CBFA2T3: variants seen among roughly 807,000 people sequenced by gnomAD.
CBFA2T3 encodes transcriptional corepressor CBFA2T3.
In CBFA2T3, 31 loss-of-function variants were observed where a neutral mutation model predicts 58.6. The observed-to-expected ratio is 0.53, with a 90% CI of 0.40 to 0.71. The LOEUF is 0.71. Among genes scored for constraint, CBFA2T3 ranks in the 30% least tolerant of loss-of-function variants. The probability of loss-of-function intolerance (pLI) is 0.00; values close to 1 mark genes in which losing one functional copy is unlikely to be tolerated. For synonymous variants in CBFA2T3, 531 were observed against 421.9 expected (o/e 1.26, Z -3.17); for missense variants, 1,076 against 963.1 (o/e 1.12, Z -1.55).
chr16:88,960,277 G>A (rs964036665), intron 1 of CBFA2T3, among the ~76,000 whole-genome samples: 5 of 152,168 alleles, frequency 3.3e-5, no homozygotes, highest in African/African-American at 4.8e-5. Context: ...CAATGTGGAC[G>A]GCATCTGTGA....
In CBFA2T3 at chr16:88,876,167, A is replaced by C. The variant is rs1237602482; in HGVS notation, c.*809T>G. On this transcript the variant is annotated 3_prime_UTR_variant, in exon 12 of 12. Coordinates refer to ENST00000268679, the MANE Select transcript of CBFA2T3 (RefSeq NM_005187.6). ...GTTTGCTTTTTTGGATTTCCTTTGG[A>C]GCAGAGGTGTGTCCGGTATCCTTGG... 1 of 232,132 alleles carries C rather than the reference A, an allele frequency of 4.3e-6. No individual in the cohort carries two copies. The highest frequency in any genetic ancestry group is 8.5e-6 in the Non-Finnish European group (1 of 117,226). The allele number at this position is 232,132 out of a possible 1,614,324, so 14.4% of individuals were successfully genotyped here.
At chr16:88,902,294 T>A (rs1970130072) in intron 1 of CBFA2T3, 1 of 152,226 alleles carries the variant, frequency 6.6e-6, no homozygotes, top group Non-Finnish European at 1.5e-5. Context: ...CCCCGGTGAT[T>A]CACAGGACAG....
chr16:88,896,983 T>G (rs577824392), intron 3 of CBFA2T3, among the ~76,000 whole-genome samples: 1 of 152,336 alleles, frequency 6.6e-6, no homozygotes, highest in South Asian at 2.1e-4. Flanking sequence ...GGTGTGTTCC[T>G]AAGTTAGACC....
At chr16:88,959,164 G>C (rs1435614104) in intron 1 of CBFA2T3, among the ~76,000 whole-genome samples, 1 of 152,222 alleles carries the variant, frequency 6.6e-6, no homozygotes, top group Non-Finnish European at 1.5e-5. Context: ...TTACTGGCAG[G>C]CACGCCACAT....
chr16:88,890,889 T>C (rs1969603924), intron 5 of CBFA2T3, among the ~76,000 whole-genome samples: 1 of 152,144 alleles, frequency 6.6e-6, no homozygotes, highest in Non-Finnish European at 1.5e-5. Context: ...AATTTTTATA[T>C]TTTTTGTAGA....
chr16:88,940,681 C>T (rs1394658789), intron 1 of CBFA2T3, among the ~76,000 whole-genome samples: 5 of 152,232 alleles, frequency 3.3e-5, no homozygotes, highest in Non-Finnish European at 5.9e-5. Flanking sequence ...CCAGGGCCGC[C>T]CTCGGCCTCC....
chr16:88,928,605 C>T (rs776274436), intron 1 of CBFA2T3, among the ~76,000 whole-genome samples: 1 of 152,256 alleles, frequency 6.6e-6, no homozygotes, highest in African/African-American at 2.4e-5. Flanking sequence ...CTGTCACCCG[C>T]CAGGTGGGGT....
rs183456920 is a variant in CBFA2T3 at position 88,934,800 on chromosome 16, C to T, written c.152-33144G>A. ...TGTCGCCCAGGCTGGAGTGCAGTGGCGCGATCTCGGCTCACTGCAAGCTCT... is the reference window on the plus strand; with the variant it reads ...TGTCGCCCAGGCTGGAGTGCAGTGGTGCGATCTCGGCTCACTGCAAGCTCT... On this transcript the variant is annotated intron_variant, in intron 1 of 11. Coordinates refer to ENST00000268679, the MANE Select transcript of CBFA2T3 (RefSeq NM_005187.6). 5.9e-3 allele frequency among the ~76,000 whole-genome samples: 894 copies of T among 152,240 alleles called. 6 individuals are homozygous for T. The highest frequency in any genetic ancestry group is 0.024 in the Middle Eastern group (7 of 294).
At chr16:88,912,436 C>T (rs77545894) in intron 1 of CBFA2T3, among the ~76,000 whole-genome samples, 4,712 of 152,286 alleles carry the variant, frequency 0.031, 180 homozygotes, top group African/African-American at 0.084. Flanking sequence ...AGGGCCTTGG[C>T]TCCTACTGGA....
intron 7 of CBFA2T3, 50 bp downstream of exon 7, chr16:88,884,996 G>A: frequency 1.4e-6 from 2 of 1,409,448 alleles, no homozygotes; most frequent in South Asian, 1.3e-5. Context: ...GTGGGCGCAT[G>A]TGTGCTCCTG....
intron 2 of CBFA2T3, among the ~76,000 whole-genome samples, chr16:88,899,160 G>A (rs935913235): frequency 2.7e-5 from 4 of 149,404 alleles, no homozygotes; most frequent in African/African-American, 9.9e-5. Flanking sequence ...CGGCCCTCAA[G>A]TCTCCGTTCA....
intron 1 of CBFA2T3, among the ~76,000 whole-genome samples, chr16:88,972,772 T>C (rs1972685594): frequency 6.6e-6 from 1 of 152,122 alleles, no homozygotes; most frequent in Admixed American, 6.5e-5. Context: ...CTCCCCGACA[T>C]GGAGCCCCCC....
rs968513397 is a variant in CBFA2T3 at position 88,893,147 on chromosome 16, C to T, written c.380-662G>A. On this transcript the variant is annotated intron_variant, in intron 3 of 11. Coordinates refer to ENST00000268679, the MANE Select transcript of CBFA2T3 (RefSeq NM_005187.6). ...GCATGATGTTCCCAAGCAATACCCC[C>T]ACCCCCAATCAGGCATCTCCCAGCC... Among the ~76,000 whole-genome samples, 3 of 152,080 alleles carry T rather than the reference C, an allele frequency of 2.0e-5. No individual in the cohort carries two copies. In the South Asian group the frequency reaches 6.2e-4, roughly 32 times the overall value.
intron 11 of CBFA2T3, 78 bp downstream of exon 11, chr16:88,879,192 G>A: frequency 7.7e-7 from 1 of 1,304,660 alleles, no homozygotes; most frequent in South Asian, 1.3e-5. Flanking sequence ...TGGAGGCTCA[G>A]AATCCTCATG....
chr16:88,903,694 G>GGT (rs1970192940), intron 1 of CBFA2T3, among the ~76,000 whole-genome samples: 1 of 134,860 alleles, frequency 7.4e-6, no homozygotes, highest in African/African-American at 2.8e-5. Context: ...GCATTCCTGG[G>GGT]GGGGGCGTTC....
intron 1 of CBFA2T3, among the ~76,000 whole-genome samples, chr16:88,920,070 C>T (rs1157720559): frequency 1.3e-5 from 2 of 152,232 alleles, no homozygotes; most frequent in Admixed American, 6.5e-5. Context: ...GCGTTCCTGC[C>T]TCCCTCCTTC....
chr16:88,930,080 C>T (rs1217896274), intron 1 of CBFA2T3, among the ~76,000 whole-genome samples: 1 of 146,970 alleles, frequency 6.8e-6, no homozygotes, highest in Non-Finnish European at 1.5e-5. Context: ...CTACCAATAC[C>T]CACAGCTGCA....
At position 88,875,064 on chromosome 16, in the gene CBFA2T3, CCAGGCCA is replaced by C. The variant is rs1421664283; in HGVS notation, c.*1905_*1911del. 3 of 235,400 alleles carry C rather than the reference CCAGGCCA, an allele frequency of 1.3e-5. No individual in the cohort carries two copies. The highest frequency in any genetic ancestry group is 5.6e-5 in the Admixed American group (1 of 17,756). 14.6% of individuals were successfully genotyped at this position (235,400 alleles called of 1,614,324 possible). A position where few individuals can be genotyped will look rare whatever the true frequency, so the allele number is the denominator to read the frequency against. On this transcript the variant is annotated 3_prime_UTR_variant, in exon 12 of 12. Transcript: ENST00000268679. ...CTCCTGATAGCCACGCACACAGATGCCAGGCCACGGGCCACGCCACGCGCACAGATGC... is the reference window on the plus strand; with the variant it reads ...CTCCTGATAGCCACGCACACAGATGCCGGGCCACGCCACGCGCACAGATGC...
chr16:88,953,646 C>A lies in CBFA2T3; in HGVS notation c.151+23011G>T, dbSNP rs969326818. The stretch of plus-strand genomic sequence containing the variant: ...GGACGATGACGAGGTGAGGTGTCTG[C>A]TCCCAGGCTGTGTGTGGCTTGGATG... On this transcript the variant is annotated intron_variant, in intron 1 of 11. Coordinates refer to ENST00000268679, the MANE Select transcript of CBFA2T3 (RefSeq NM_005187.6). The surrounding 1 kb of genome is among the most constrained non-coding windows in gnomAD (Gnocchi z 4.9). 1.2e-4 allele frequency among the ~76,000 whole-genome samples: 18 copies of A among 152,210 alleles called. No homozygotes were observed. Among genetic ancestry groups the A allele is most frequent in the Non-Finnish European group, 2.5e-4 (17 of 68,044 alleles).
Sources: gnomAD v4.1 joint callset for allele counts (sites outside exome capture counted in the v4.1 genomes callset) on GRCh38, gnomAD v4.1.1 for gene constraint, Gnocchi (gnomAD v3.1) non-coding constraint, MANE v1.5 for transcripts, NCBI Gene and HGNC (gene_info 2026-07-23, HGNC 2026-07-21) for gene names.